The following FHIT variants were observed in gnomAD, a reference collection of about 807,000 sequenced individuals.
FHIT encodes the protein fragile histidine triad diadenosine triphosphatase.
Under a neutral mutation model 17.9 loss-of-function variants are expected in FHIT, and 19 were observed. The observed-to-expected ratio is 1.06, with a 90% CI of 0.74 to 1.56. FHIT has a LOEUF of 1.56. Ranked by LOEUF, FHIT falls within the 40% of genes most tolerant of loss-of-function variation. FHIT has a pLI of 0.00. For synonymous variants in FHIT, 81 were observed against 69.7 expected (o/e 1.16, Z -0.81); for missense variants, 248 against 189.2 (o/e 1.31, Z -1.82).
chr3:60,300,701 C>T (rs1381680461), intron 5 of FHIT, among the ~76,000 whole-genome samples: 1 of 152,066 alleles, frequency 6.6e-6, no homozygotes, highest in African/African-American at 2.4e-5. Context: ...CCAACAAAAC[C>T]CAGTTGTTTC....
intron 3 of FHIT, among the ~76,000 whole-genome samples, chr3:60,955,606 A>ACATATGTATATATGTATATATATATATG (rs1559862189): frequency 7.0e-4 from 5 of 7,118 alleles, no homozygotes; most frequent in South Asian, 0.013. Context: ...ACATATATAT[A>ACATATGTATATATGTATATATATATATG]TATATATATA....
chr3:60,387,289 C>G (rs1252500551), intron 5 of FHIT, among the ~76,000 whole-genome samples: 1 of 152,066 alleles, frequency 6.6e-6, no homozygotes, highest in Non-Finnish European at 1.5e-5. Flanking sequence ...CCGTGCCCAG[C>G]CAACTTATTC....
At chr3:61,230,998 G>C (rs2106872263) in intron 1 of FHIT, among the ~76,000 whole-genome samples, 1 of 151,998 alleles carries the variant, frequency 6.6e-6, no homozygotes, top group Middle Eastern at 3.4e-3. Context: ...AATACTCACT[G>C]GTAAAATCAT....
At chr3:60,145,567 AT>A (rs1376870254) in intron 5 of FHIT, among the ~76,000 whole-genome samples, 3 of 152,206 alleles carry the variant, frequency 2.0e-5, no homozygotes, top group African/African-American at 4.8e-5. Context: ...TGACATAGGC[AT>A]TCTGTTCTCA....
At chr3:60,836,828 C>T (rs1553743952) in intron 3 of FHIT, among the ~76,000 whole-genome samples, 4 of 152,142 alleles carry the variant, frequency 2.6e-5, no homozygotes, top group African/African-American at 9.7e-5. Flanking sequence ...GGAAGGCATG[C>T]AAGAATTGTA....
intron 1 of FHIT, among the ~76,000 whole-genome samples, chr3:61,210,509 G>A (rs987590507): frequency 6.6e-6 from 1 of 152,194 alleles, no homozygotes; most frequent in African/African-American, 2.4e-5. Flanking sequence ...GCAATGGCAG[G>A]CGCCCCTCCC....
At chr3:61,098,628 G>A (rs2035718230) in intron 2 of FHIT, among the ~76,000 whole-genome samples, 1 of 152,082 alleles carries the variant, frequency 6.6e-6, no homozygotes, top group Non-Finnish European at 1.5e-5. Context: ...TGATTTCTTT[G>A]AGCAGAATTT....
At chr3:60,742,104 A>T in intron 4 of FHIT, among the ~76,000 whole-genome samples, 1 of 152,244 alleles carries the variant, frequency 6.6e-6, no homozygotes, top group South Asian at 2.1e-4. Context: ...TTGTTTCCTC[A>T]TCTGTAAAAT....
Position 60,364,650 on chromosome 3 carries a change from ACTGAG to A in FHIT, c.103+172205_103+172209del, listed in dbSNP as rs560551110. Among the ~76,000 whole-genome samples the A allele has an allele frequency of 4.0e-4, 61 of 152,332 alleles. No individual in the cohort carries two copies. In the East Asian group the frequency reaches 0.011, roughly 27 times the overall value. ...CTGGTTCATTCTATGTGCCAATTTG[ACTGAG>A]CTAAGAGATGCCCAGATAACTGATA... is the stretch of plus-strand genomic sequence containing the variant. On this transcript the variant is annotated intron_variant, in intron 5 of 9. Coordinates refer to ENST00000492590, the MANE Select transcript of FHIT (RefSeq NM_002012.4).
intron 3 of FHIT, among the ~76,000 whole-genome samples, chr3:60,878,204 T>A (rs187757356): frequency 1.5e-3 from 235 of 152,154 alleles, no homozygotes; most frequent in Non-Finnish European, 2.8e-3. Context: ...TCATAGATTC[T>A]GGCTCTGTGG....
At chr3:60,742,054 A>C (rs1553714031) in intron 4 of FHIT, among the ~76,000 whole-genome samples, 2 of 152,178 alleles carry the variant, frequency 1.3e-5, no homozygotes, top group Non-Finnish European at 2.9e-5. Context: ...ATAGTCAGAC[A>C]TTGCTACTTA....
chr3:60,085,111 G>T (rs1300263841), intron 5 of FHIT, among the ~76,000 whole-genome samples: 1 of 152,134 alleles, frequency 6.6e-6, no homozygotes, highest in Non-Finnish European at 1.5e-5. Flanking sequence ...TCCTAGCTGG[G>T]CCAGAATTCC....
intron 4 of FHIT, among the ~76,000 whole-genome samples, chr3:60,741,811 A>C (rs566837566): frequency 6.6e-6 from 1 of 152,376 alleles, no homozygotes; most frequent in South Asian, 2.1e-4. Context: ...TGAAATTTCC[A>C]AACTGAATCT....
At chr3:59,764,688 C>A (rs1701701187) in intron 8 of FHIT, among the ~76,000 whole-genome samples, 1 of 152,050 alleles carries the variant, frequency 6.6e-6, no homozygotes, top group Non-Finnish European at 1.5e-5. Flanking sequence ...GCTATGCTTA[C>A]CATGCATGAC....
At chr3:60,839,679 G>C (rs1464394020) in intron 3 of FHIT, among the ~76,000 whole-genome samples, 2 of 152,104 alleles carry the variant, frequency 1.3e-5, no homozygotes, top group Non-Finnish European at 2.9e-5. Context: ...AGGGACTGCA[G>C]CTCATTTGTT....
chr3:59,895,557 A>G (rs1341266944), intron 8 of FHIT, among the ~76,000 whole-genome samples: 2 of 152,144 alleles, frequency 1.3e-5, no homozygotes, highest in Non-Finnish European at 2.9e-5. Flanking sequence ...TTCATTCCCT[A>G]TCTTCCCTAG....
chr3:60,513,629 C>T (rs1333063110), intron 5 of FHIT, among the ~76,000 whole-genome samples: 1 of 152,134 alleles, frequency 6.6e-6, no homozygotes, highest in African/African-American at 2.4e-5. Context: ...AACCAAACAC[C>T]ACATGTTCTC....
chr3:60,820,780 T>C (rs1311465416), intron 4 of FHIT, among the ~76,000 whole-genome samples: 1 of 152,128 alleles, frequency 6.6e-6, no homozygotes, highest in African/African-American at 2.4e-5. Flanking sequence ...TCAATATACA[T>C]ATTTATTATA....
At chr3:61,126,797 G>T (rs2106941453) in intron 2 of FHIT, among the ~76,000 whole-genome samples, 1 of 152,268 alleles carries the variant, frequency 6.6e-6, no homozygotes, top group South Asian at 2.1e-4. Flanking sequence ...GGTGGTGGAG[G>T]AGGTTCCAAC....
Sources: gnomAD v4.1 joint callset for allele counts (sites outside exome capture counted in the v4.1 genomes callset) on GRCh38, gnomAD v4.1.1 for gene constraint, MANE v1.5 for transcripts, NCBI Gene and HGNC (gene_info 2026-07-23, HGNC 2026-07-21) for gene names.